The following CACNA2D1 variants were observed in gnomAD, a reference collection of about 807,000 sequenced individuals.
CACNA2D1 encodes the protein voltage-dependent calcium channel subunit alpha-2/delta-1.
In CACNA2D1, 53 loss-of-function variants were observed where a neutral mutation model predicts 171.5. That is an observed-to-expected ratio of 0.31 (90% CI 0.25 to 0.39). The LOEUF is 0.39. CACNA2D1 is among the 10% of genes least tolerant of loss of function. The probability of loss-of-function intolerance (pLI) is 1.00; values close to 1 mark genes in which losing one functional copy is unlikely to be tolerated. For missense variants in CACNA2D1, 903 were observed against 1,299.8 expected (o/e 0.69, Z 4.69); for synonymous variants, 442 against 443.1 (o/e 1.00, Z 0.03).
intron 3 of CACNA2D1, among the ~76,000 whole-genome samples, chr7:82,183,625 T>C (rs536939822): frequency 5.8e-4 from 88 of 152,242 alleles, no homozygotes; most frequent in African/African-American, 2.0e-3. Flanking sequence ...GGAATTTTTA[T>C]AAAAAATTGA....
chr7:81,985,264 C>T (rs73149899), intron 21 of CACNA2D1, among the ~76,000 whole-genome samples: 1,365 of 123,840 alleles, frequency 0.011, 12 homozygotes, highest in Non-Finnish European at 0.016. Flanking sequence ...GCAGTGGTTT[C>T]GATCATGGCT....
intron 5 of CACNA2D1, among the ~76,000 whole-genome samples, chr7:82,136,324 T>C (rs1791599037): frequency 6.6e-6 from 1 of 151,994 alleles, no homozygotes; most frequent in African/African-American, 2.4e-5. Flanking sequence ...GTAGATGGGA[T>C]TGGATAGCTA....
intron 4 of CACNA2D1, among the ~76,000 whole-genome samples, chr7:82,154,245 C>A (rs1794136019): frequency 1.3e-5 from 2 of 152,142 alleles, no homozygotes; most frequent in South Asian, 4.1e-4. Flanking sequence ...AAAAAGCAGA[C>A]AATAGTCTAA....
chr7:81,948,465 A>G lies in CACNA2D1; in HGVS notation c.*1927T>C, dbSNP rs970652112. ...CCATTTCCCCCCACCTTTTTATTGA[A>G]AAAAAAAATCTTGAAATGTACACAA... On this transcript the variant is annotated 3_prime_UTR_variant, in exon 39 of 39. Coordinates refer to ENST00000356860, the MANE Select transcript of CACNA2D1 (RefSeq NM_000722.4). The G allele has an allele frequency of 9.2e-6, 1 of 108,288 alleles. No individual in the cohort carries two copies. Among genetic ancestry groups the G allele is most frequent in the Admixed American group, 9.5e-5 (1 of 10,508 alleles). 6.7% of individuals were successfully genotyped at this position (108,288 alleles called of 1,614,324 possible).
intron 6 of CACNA2D1, among the ~76,000 whole-genome samples, chr7:82,087,794 T>A (rs1810653269): frequency 2.0e-5 from 3 of 152,198 alleles, no homozygotes. Flanking sequence ...GCCCAACATT[T>A]CTCCATTTTT....
At chr7:81,971,729 A>G (rs1032420499) in intron 26 of CACNA2D1, 48 bp downstream of exon 26, 18 of 1,062,358 alleles carry the variant, frequency 1.7e-5, no homozygotes, top group Non-Finnish European at 2.6e-5. Context: ...GGAGAAACTA[A>G]ATTGAAATGC....
intron 1 of CACNA2D1, among the ~76,000 whole-genome samples, chr7:82,392,724 A>G (rs73384010): frequency 6.6e-6 from 1 of 152,312 alleles, no homozygotes; most frequent in African/African-American, 2.4e-5. Context: ...TATTAACATG[A>G]TTGGAGAATA....
chr7:82,268,553 C>G (rs952217152), intron 3 of CACNA2D1, among the ~76,000 whole-genome samples: 4 of 151,892 alleles, frequency 2.6e-5, no homozygotes, highest in Non-Finnish European at 4.4e-5. Flanking sequence ...CTTATTCAAC[C>G]AAAACCAGAA....
At chr7:82,066,314 C>T (rs372491731) in intron 8 of CACNA2D1, 141 bp downstream of exon 8, 85 of 1,126,084 alleles carry the variant, frequency 7.5e-5, no homozygotes, top group Non-Finnish European at 1.0e-4. Flanking sequence ...TTACCTTTAC[C>T]TATATTTACT....
At chr7:82,047,311 C>G (rs1375972109) in intron 10 of CACNA2D1, among the ~76,000 whole-genome samples, 2 of 152,168 alleles carry the variant, frequency 1.3e-5, no homozygotes, top group Non-Finnish European at 2.9e-5. Context: ...CACATACTGT[C>G]TGATCTGGTC....
At chr7:82,167,911 G>C (rs1437279488) in intron 4 of CACNA2D1, among the ~76,000 whole-genome samples, 2 of 152,048 alleles carry the variant, frequency 1.3e-5, no homozygotes, top group African/African-American at 2.4e-5. Flanking sequence ...TACTTACTGG[G>C]CAAATAATTC....
chr7:82,245,882 T>C (rs1804861131), intron 3 of CACNA2D1, among the ~76,000 whole-genome samples: 1 of 152,114 alleles, frequency 6.6e-6, no homozygotes, highest in Non-Finnish European at 1.5e-5. Context: ...TCAATGATAG[T>C]TTGTAGTTTA....
chr7:81,968,975 T>TAA lies in CACNA2D1; in HGVS notation c.2309-4_2309-3dup, dbSNP rs762936617. On this transcript the variant is annotated splice_region_variant and splice_polypyrimidine_tract_variant and intron_variant, in intron 28 of 38. Transcript: ENST00000356860. ...ATTCATAGGCACCAGGTCCACTTTC[T>TAA]AAAAAAAAAATAAATAAATAAAACA... is the stretch of plus-strand genomic sequence containing the variant. The TAA allele has an allele frequency of 1.6e-5, 22 of 1,400,550 alleles. No homozygotes were observed. The highest frequency in any genetic ancestry group is 1.9e-5 in the Non-Finnish European group (19 of 1,014,288). 86.8% of individuals were successfully genotyped at this position (1,400,550 alleles called of 1,614,324 possible). A position where few individuals can be genotyped will look rare whatever the true frequency, so the allele number is the denominator to read the frequency against.
At chr7:82,202,950 T>G (rs1799619291) in intron 3 of CACNA2D1, among the ~76,000 whole-genome samples, 1 of 152,102 alleles carries the variant, frequency 6.6e-6, no homozygotes, top group Non-Finnish European at 1.5e-5. Flanking sequence ...AGCAGCCCAA[T>G]GAAGTACTCT....
intron 3 of CACNA2D1, among the ~76,000 whole-genome samples, chr7:82,277,996 C>T (rs1160769522): frequency 6.6e-6 from 1 of 152,032 alleles, no homozygotes; most frequent in Non-Finnish European, 1.5e-5. Context: ...ATCCAGCCAC[C>T]TTAGCCTCCC....
chr7:81,953,741 TA>T (rs1792880021), intron 38 of CACNA2D1, among the ~76,000 whole-genome samples: 1 of 152,088 alleles, frequency 6.6e-6, no homozygotes, highest in African/African-American at 2.4e-5. Context: ...ACTCCCCAGT[TA>T]TGATTAAGTG....
intron 3 of CACNA2D1, among the ~76,000 whole-genome samples, chr7:82,258,808 C>CCTTT (rs1563270215): frequency 1.3e-5 from 1 of 76,336 alleles, no homozygotes; most frequent in Non-Finnish European, 2.8e-5. Context: ...TTCTTTCTTT[C>CCTTT]TTACTTTTCT....
intron 6 of CACNA2D1, among the ~76,000 whole-genome samples, chr7:82,099,863 G>T (rs1354659556): frequency 6.6e-6 from 1 of 152,026 alleles, no homozygotes; most frequent in African/African-American, 2.4e-5. Flanking sequence ...TACAATTAAT[G>T]ACATTTACAT....
intron 11 of CACNA2D1, among the ~76,000 whole-genome samples, chr7:82,035,610 T>C (rs1803206899): frequency 6.6e-6 from 1 of 152,116 alleles, no homozygotes; most frequent in Non-Finnish European, 1.5e-5. Context: ...ATCTGGAAGT[T>C]AATGTGGCCT....
Sources: gnomAD v4.1 joint callset for allele counts (sites outside exome capture counted in the v4.1 genomes callset) on GRCh38, gnomAD v4.1.1 for gene constraint, MANE v1.5 for transcripts, NCBI Gene and HGNC (gene_info 2026-07-23, HGNC 2026-07-21) for gene names.